The following JAG1 variants were observed in gnomAD, a reference collection of about 807,000 sequenced individuals.
JAG1 encodes the protein jagged canonical Notch ligand 1, also known as protein jagged-1.
Under a neutral mutation model 148.7 loss-of-function variants are expected in JAG1, and 23 were observed. The observed-to-expected ratio is 0.15, with a 90% CI of 0.11 to 0.22. The LOEUF is 0.22. Among genes scored for constraint, JAG1 ranks in the 10% least tolerant of loss-of-function variants. The pLI is 1.00. For synonymous variants in JAG1, 572 were observed against 598.3 expected (o/e 0.96, Z 0.64); for missense variants, 1,054 against 1,611.2 (o/e 0.65, Z 5.92).
At chr20:10,660,899 C>T (rs573792506) in intron 3 of JAG1, among the ~76,000 whole-genome samples, 4 of 152,264 alleles carry the variant, frequency 2.6e-5, no homozygotes, top group Admixed American at 6.5e-5. Context: ...ATGACCGCCT[C>T]GCAGGCCAAG....
chr20:10,641,743 T>G (rs2067273886), intron 22 of JAG1, 40 bp downstream of exon 22: 1 of 1,610,054 alleles, frequency 6.2e-7, no homozygotes, highest in Non-Finnish European at 8.5e-7. Flanking sequence ...CATCCCTGAT[T>G]CCAGAACACA....
intron 10 of JAG1, 149 bp downstream of exon 10, chr20:10,649,373 T>G: frequency 1.4e-6 from 1 of 700,506 alleles, no homozygotes; most frequent in Non-Finnish European, 2.6e-6. Flanking sequence ...ATGTTTTCAC[T>G]GCTGCCCTGA....
At chr20:10,642,698 A>G in intron 20 of JAG1, 97 bp from the exon 21 acceptor site, 1 of 780,334 alleles carries the variant, frequency 1.3e-6, no homozygotes, top group African/African-American at 1.7e-5. Flanking sequence ...GCATATCATC[A>G]TAAGCTTGAT....
At chr20:10,648,898 TC>T (rs2067326753) in intron 11 of JAG1, 162 bp downstream of exon 11, 2 of 870,338 alleles carry the variant, frequency 2.3e-6, no homozygotes, top group Non-Finnish European at 3.8e-6. Flanking sequence ...TCAAAATGAC[TC>T]CCACGAGGCT....
rs1416374041 is a variant in JAG1, at chr20:10,639,962, G to C, written c.3200-7C>G. The C allele has an allele frequency of 1.9e-6, 3 of 1,609,474 alleles. No homozygotes were observed. On this transcript the variant is annotated splice_polypyrimidine_tract_variant and splice_region_variant and intron_variant, in intron 25 of 25. Coordinates refer to ENST00000254958, the MANE Select transcript of JAG1 (RefSeq NM_000214.3). ...AGCAAGGGAACAAGGAAATCTGTAA[G>C]GCAGGCACAAAACCAATTAACTCTC... is the stretch of plus-strand genomic sequence containing the variant.
chr20:10,641,980 C>T (rs961452894), intron 21 of JAG1, 88 bp from the exon 22 acceptor site: 2 of 870,656 alleles, frequency 2.3e-6, no homozygotes, highest in Non-Finnish European at 4.0e-6. Context: ...AATGGTTATG[C>T]CTGTGCCCTT....
chr20:10,672,777 C>G lies in JAG1; in HGVS notation c.311G>C (p.Gly104Ala). The G allele has an allele frequency of 6.2e-7, 1 of 1,613,066 alleles. No individual in the cohort carries two copies. Among genetic ancestry groups the G allele is most frequent in the Non-Finnish European group, 8.5e-7 (1 of 1,180,026 alleles). Residue 104 changes from glycine (G) to alanine (A), a missense_variant, in exon 2 of 26, where the codon GGC becomes GCC. By Grantham distance (60) the Gly-to-Ala change is moderately conservative. Transcript: ENST00000254958. Reference protein sequence around the residue: ...FGSGSTPVIGGNTFNLKASRG... With the variant: ...FGSGSTPVIGANTFNLKASRG... ...GCTGGCCTTGAGGTTGAAGGTGTTGCCCCCGATGACAGGCGTGGACCCTGA... is the reference window on the plus strand; with the variant it reads ...GCTGGCCTTGAGGTTGAAGGTGTTGGCCCCGATGACAGGCGTGGACCCTGA...
intron 5 of JAG1, among the ~76,000 whole-genome samples, chr20:10,654,678 G>A (rs1370961436): frequency 6.6e-6 from 1 of 152,188 alleles, no homozygotes; most frequent in African/African-American, 2.4e-5. Context: ...GGTAGGGAGG[G>A]AAAACTGGGC....
intron 5 of JAG1, among the ~76,000 whole-genome samples, chr20:10,653,009 CTCTT>C (rs1004327209): frequency 2.4e-3 from 359 of 152,222 alleles, no homozygotes; most frequent in African/African-American, 8.1e-3. Flanking sequence ...TGCCACTCTG[CTCTT>C]TGTCTGCACA....
intron 14 of JAG1, chr20:10,646,299 T>C (rs1326205800): frequency 1.8e-6 from 1 of 570,000 alleles, no homozygotes; most frequent in East Asian, 3.2e-5. Flanking sequence ...CACATGGGCA[T>C]TTAGTCACCG....
rs886357715 is a variant in JAG1, at chr20:10,639,598, G to C, written c.3557C>G (p.Pro1186Arg). 2.5e-6 allele frequency: 4 copies of C among 1,614,180 alleles called. No homozygotes were observed. Among genetic ancestry groups the C allele is most frequent in the Non-Finnish European group, 3.4e-6 (4 of 1,180,024 alleles). Residue 1186 changes from proline to arginine, a missense_variant, in exon 26 of 26, where the codon CCC becomes CGC. Pro to Arg is a moderately radical substitution (Grantham distance 103). This residue lies in a region of JAG1 where 177 missense variants were observed against 177.3 expected (regional missense o/e 1.00). Transcript: ENST00000254958. The part of the protein sequence containing the change: ...YTLVDREEKP[P>R]NGTPTKHPNW... ...TGGGTGTTTTGTCGGCGTGCCGTTG[G>C]GGGGCTTCTCTTCTCTGTCTACCAG...
In JAG1 at chr20:10,651,708, G is replaced by A; in HGVS notation, c.1007-14C>T. On this transcript the variant is annotated splice_polypyrimidine_tract_variant and intron_variant, in intron 7 of 25. Coordinates refer to ENST00000254958, the MANE Select transcript of JAG1 (RefSeq NM_000214.3). The stretch of plus-strand genomic sequence containing the variant: ...AGGCGTGCTCAGCTGCAAAAACCAG[G>A]ATGGCAGTCAGAGAGGGATGCCTGC... The A allele has an allele frequency of 6.4e-7, 1 of 1,572,028 alleles. No individual in the cohort carries two copies. The highest frequency in any genetic ancestry group is 8.7e-7 in the Non-Finnish European group (1 of 1,142,922).
intron 2 of JAG1, among the ~76,000 whole-genome samples, chr20:10,664,782 C>T (rs1166345633): frequency 6.6e-6 from 1 of 152,148 alleles, no homozygotes; most frequent in Non-Finnish European, 1.5e-5. Flanking sequence ...TCAGAGTCTA[C>T]TAACTAAACA....
Position 10,641,667 on chromosome 20 carries a change from C to T in JAG1, c.2709G>A (p.Leu903=), listed in dbSNP as rs946325939. The T allele has an allele frequency of 2.5e-6, 4 of 1,613,796 alleles. No homozygotes were observed. In the African/African-American group the frequency reaches 4.0e-5, roughly 16 times the overall value. ...SKVWCGPRPC[L]LHKGHSECPS... Reference sequence around the variant, plus strand: ...GGCACTCGCTGTGCCCTTTGTGGAGCAGGCAAGGTCGAGGGCCACACCAGA... The same window carrying T: ...GGCACTCGCTGTGCCCTTTGTGGAGTAGGCAAGGTCGAGGGCCACACCAGA... The change falls in exon 23 of 26, where the codon CTG becomes CTA. Residue 903 remains leucine (L), a synonymous_variant. Coordinates refer to ENST00000254958, the MANE Select transcript of JAG1 (RefSeq NM_000214.3).
chr20:10,641,348 T>C, intron 23 of JAG1, 104 bp from the exon 24 acceptor site: 1 of 1,548,860 alleles, frequency 6.5e-7, no homozygotes, highest in Non-Finnish European at 8.9e-7. Flanking sequence ...TACTTTATTA[T>C]AAAACAGGAA....
intron 2 of JAG1, among the ~76,000 whole-genome samples, chr20:10,666,608 C>A (rs774638869): frequency 6.6e-6 from 1 of 152,196 alleles, no homozygotes; most frequent in Non-Finnish European, 1.5e-5. Context: ...AGTCACCTGG[C>A]TTTCATCTTT....
Position 10,646,030 on chromosome 20 carries a change from C to A in JAG1, c.1940G>T (p.Gly647Val), listed in dbSNP as rs966946152. The change falls in exon 15 of 26, where the codon GGT becomes GTT. Residue 647 changes from glycine to valine, a missense_variant. Around this residue, in one of 6 missense-constraint regions of JAG1, gnomAD observed 35 missense variants for 99.7 expected, o/e 0.35. Transcript: ENST00000254958. Reference protein sequence around the residue: ...PCRNGGTCIDGVNSYKCICSD... With the variant: ...PCRNGGTCIDVVNSYKCICSD... ...ACAGATGCACTTGTAGGAGTTGACACCATCGATGCAAGTGCCACCGTTTCT... is the reference window on the plus strand; with the variant it reads ...ACAGATGCACTTGTAGGAGTTGACAACATCGATGCAAGTGCCACCGTTTCT... 1.9e-6 allele frequency: 3 copies of A among 1,614,042 alleles called. No individual in the cohort carries two copies. The highest frequency in any genetic ancestry group is 2.5e-6 in the Non-Finnish European group (3 of 1,179,962).
intron 20 of JAG1, 131 bp downstream of exon 20, chr20:10,643,647 G>A (rs1203474706): frequency 1.3e-6 from 1 of 763,502 alleles, no homozygotes; most frequent in South Asian, 1.5e-5. Flanking sequence ...AGCTGGAGGA[G>A]AGAGATCCTT....
intron 8 of JAG1, chr20:10,650,760 A>G (rs2067340404): frequency 3.8e-6 from 1 of 265,558 alleles, no homozygotes. Context: ...TCATTTGCTT[A>G]CAGAGTTTGC....
Sources: allele counts gnomAD v4.1 joint callset (sites outside exome capture counted in the v4.1 genomes callset), GRCh38; gene constraint gnomAD v4.1.1; regional missense constraint gnomAD v4.1.1; transcripts MANE v1.5; gene names NCBI Gene and HGNC (gene_info 2026-07-23, HGNC 2026-07-21).